Variants in TNKS observed in about 807,000 individuals in gnomAD.
TNKS encodes poly [ADP-ribose] polymerase tankyrase-1.
TNKS carries 72 observed loss-of-function variants against 135.8 expected under a neutral mutation model. The observed-to-expected ratio is 0.53, with a 90% CI of 0.44 to 0.64. The LOEUF is 0.64. TNKS is among the 30% of genes least tolerant of loss of function. TNKS has a pLI of 0.00. For synonymous variants in TNKS, 849 were observed against 649.3 expected (o/e 1.31, Z -4.68); for missense variants, 1,769 against 1,674.0 (o/e 1.06, Z -0.99).
chr8:9,568,689 C>T (rs1797643484), intron 1 of TNKS, among the ~76,000 whole-genome samples: 1 of 152,166 alleles, frequency 6.6e-6, no homozygotes, highest in Non-Finnish European at 1.5e-5. Context: ...CCTGCCAATT[C>T]TGGTATATTG....
chr8:9,620,439 G>C (rs190852023), intron 3 of TNKS, among the ~76,000 whole-genome samples: 1 of 152,140 alleles, frequency 6.6e-6, no homozygotes, highest in Non-Finnish European at 1.5e-5. Flanking sequence ...ACTTCGCTCA[G>C]TTCTCTTCAC....
intron 17 of TNKS, among the ~76,000 whole-genome samples, chr8:9,745,557 G>A (rs1245142707): frequency 6.6e-6 from 1 of 151,770 alleles, no homozygotes; most frequent in Non-Finnish European, 1.5e-5. Flanking sequence ...GGTGTGTGGC[G>A]CCACACCCAG....
rs373714842 is a variant in TNKS at position 9,680,765 on chromosome 8, C to G, written c.1072C>G (p.Leu358Val). Residue 358 changes from leucine to valine, a missense_variant, in exon 5 of 27, where the codon CTA (leucine) becomes GTA (valine). By Grantham distance (32) the Leu-to-Val change is conservative (BLOSUM62 1). This residue lies in a region of TNKS where 523 missense variants were observed against 541.0 expected (regional missense o/e 0.97). Transcript: ENST00000310430. ...AAAACTAATGGCTTTACTGACTCCT[C>G]TAAATGTGAATTGCCATGCAAGTGA... ...EEKLMALLTP[L>V]NVNCHASDGR... 2.5e-6 allele frequency: 4 copies of G among 1,612,222 alleles called. No homozygotes were observed. In the African/African-American group the frequency reaches 5.3e-5, roughly 22 times the overall value.
chr8:9,640,022 A>T (rs563085725), intron 3 of TNKS, among the ~76,000 whole-genome samples: 28 of 151,940 alleles, frequency 1.8e-4, no homozygotes, highest in Admixed American at 3.9e-4. Flanking sequence ...CTATGTGTGA[A>T]CTCTTTAGCT....
intron 2 of TNKS, among the ~76,000 whole-genome samples, chr8:9,607,354 T>C (rs1307803035): frequency 1.3e-5 from 2 of 152,040 alleles, no homozygotes; most frequent in African/African-American, 4.8e-5. Flanking sequence ...GGTTGAAATA[T>C]CTGAAGAAGA....
intron 3 of TNKS, among the ~76,000 whole-genome samples, chr8:9,666,197 C>G (rs773165363): frequency 6.6e-6 from 1 of 152,180 alleles, no homozygotes; most frequent in Non-Finnish European, 1.5e-5. Flanking sequence ...CAGCTGGCTG[C>G]TGAACACGCT....
intron 2 of TNKS, among the ~76,000 whole-genome samples, chr8:9,586,319 T>C (rs1261391232): frequency 1.3e-5 from 2 of 152,204 alleles, no homozygotes; most frequent in Non-Finnish European, 2.9e-5. Flanking sequence ...TAAAGTTGGT[T>C]ATCTAAATGA....
chr8:9,748,128 G>A lies in TNKS; in HGVS notation c.2748G>A (p.Thr916=), dbSNP rs746101645. 22 of 1,614,150 alleles carry A rather than the reference G, an allele frequency of 1.4e-5. No individual in the cohort carries two copies. Among genetic ancestry groups the A allele is most frequent in the South Asian group, 1.1e-4 (10 of 91,082 alleles). Residue 916 remains threonine (T), a synonymous_variant, in exon 18 of 27, where the codon ACG becomes ACA. Transcript: ENST00000310430. Reference sequence around the variant, plus strand: ...ATGAAGCAGCCCAGAAAGGAAGGACGCAGCTGTGCGCCCTCCTCCTAGCGC... The same window carrying A: ...ATGAAGCAGCCCAGAAAGGAAGGACACAGCTGTGCGCCCTCCTCCTAGCGC... ...PLHEAAQKGR[T]QLCALLLAHG...
intron 1 of TNKS, among the ~76,000 whole-genome samples, chr8:9,579,218 C>T (rs560565390): frequency 4.0e-5 from 6 of 149,722 alleles, no homozygotes; most frequent in Admixed American, 3.3e-4. Flanking sequence ...TTTGCCATAT[C>T]GTTTCCTCAA....
At chr8:9,582,998 C>G (rs1162426174) in intron 2 of TNKS, among the ~76,000 whole-genome samples, 2 of 151,872 alleles carry the variant, frequency 1.3e-5, no homozygotes, top group Non-Finnish European at 2.9e-5. Flanking sequence ...AACCCCATCT[C>G]TACTAAAAAT....
chr8:9,717,067 AT>A (rs1210601396), intron 11 of TNKS, among the ~76,000 whole-genome samples: 1 of 90,560 alleles, frequency 1.1e-5, no homozygotes. Context: ...AATCTGTTGT[AT>A]TATAATATAT....
intron 3 of TNKS, among the ~76,000 whole-genome samples, chr8:9,672,836 C>A (rs1308004742): frequency 6.6e-6 from 1 of 151,934 alleles, no homozygotes; most frequent in Non-Finnish European, 1.5e-5. Flanking sequence ...AGCATCATAA[C>A]CTGCCATGCT....
chr8:9,682,569 T>TA (rs1195208573), intron 5 of TNKS, among the ~76,000 whole-genome samples: 3 of 152,100 alleles, frequency 2.0e-5, no homozygotes, highest in African/African-American at 7.2e-5. Context: ...CTGTGGCACT[T>TA]AGAGTTCCTT....
intron 3 of TNKS, among the ~76,000 whole-genome samples, chr8:9,624,305 A>G (rs1201113352): frequency 6.6e-6 from 1 of 152,258 alleles, no homozygotes; most frequent in African/African-American, 2.4e-5. Flanking sequence ...GTTCTTTAAA[A>G]TATAATAAAT....
chr8:9,741,725 A>T (rs1456725412), intron 17 of TNKS: 1 of 530,306 alleles, frequency 1.9e-6, no homozygotes, highest in South Asian at 1.4e-5. Context: ...AGTAAAATGT[A>T]CAGTGGTTCT....
intron 1 of TNKS, among the ~76,000 whole-genome samples, chr8:9,563,682 A>C (rs1797421034): frequency 6.6e-6 from 1 of 152,040 alleles, no homozygotes; most frequent in Non-Finnish European, 1.5e-5. Context: ...TTTTATTTCT[A>C]ACTCAGGCAC....
intron 3 of TNKS, among the ~76,000 whole-genome samples, chr8:9,644,958 T>C (rs1235958873): frequency 6.6e-6 from 1 of 152,168 alleles, no homozygotes; most frequent in Non-Finnish European, 1.5e-5. Flanking sequence ...CCAATGTAAG[T>C]CTTCTGAGCA....
chr8:9,656,581 A>G (rs1801379757), intron 3 of TNKS, among the ~76,000 whole-genome samples: 1 of 151,602 alleles, frequency 6.6e-6, no homozygotes, highest in Non-Finnish European at 1.5e-5. Context: ...GTGGGGGCCA[A>G]TATTCAACAT....
At chr8:9,632,854 C>T (rs1300745430) in intron 3 of TNKS, among the ~76,000 whole-genome samples, 3 of 152,096 alleles carry the variant, frequency 2.0e-5, no homozygotes, top group African/African-American at 7.2e-5. Flanking sequence ...CTCAGCCTCC[C>T]GAGTAGCTGG....
Sources: gnomAD v4.1 joint callset for allele counts (sites outside exome capture counted in the v4.1 genomes callset) on GRCh38, gnomAD v4.1.1 for gene constraint, gnomAD v4.1.1 regional missense constraint, MANE v1.5 for transcripts, NCBI Gene and HGNC (gene_info 2026-07-23, HGNC 2026-07-21) for gene names.